The following MBNL1 variants were observed in gnomAD, a reference collection of about 807,000 sequenced individuals.
MBNL1 encodes the protein muscleblind-like protein 1.
MBNL1 carries 8 observed loss-of-function variants against 42.2 expected under a neutral mutation model. The ratio of observed to expected loss-of-function variants is 0.19; its 90% CI spans 0.11 to 0.34. The LOEUF is 0.34. Among genes scored for constraint, MBNL1 ranks in the 10% least tolerant of loss-of-function variants. The probability of loss-of-function intolerance (pLI) is 1.00; values close to 1 mark genes in which losing one functional copy is unlikely to be tolerated. For synonymous variants in MBNL1, 169 were observed against 173.9 expected, an observed-to-expected ratio of 0.97 and a Z score of 0.22; for missense variants, 309 against 495.3, an observed-to-expected ratio of 0.62 and a Z score of 3.57.
chr3:152,316,862 T>C (rs549086253), intron 2 of MBNL1, among the ~76,000 whole-genome samples: 17 of 152,206 alleles, frequency 1.1e-4, no homozygotes, highest in South Asian at 6.2e-4. Flanking sequence ...TCCTTCTTTT[T>C]CTTCTTTTAT....
At chr3:152,415,141 A>G in intron 3 of MBNL1, 30 bp downstream of exon 3, 2 of 1,536,250 alleles carry the variant, frequency 1.3e-6, no homozygotes, top group South Asian at 2.5e-5. Flanking sequence ...TCACTCATTA[A>G]GTTTTTGATT....
In MBNL1 at chr3:152,443,166, C is replaced by T. The variant is rs187519118; in HGVS notation, c.550-2116C>T. ...AACATGAAATTATAATAAACCAATC[C>T]TTAACCTGTAGAAACCCCCCCCCCC... On this transcript the variant is annotated intron_variant, in intron 4 of 9. Coordinates refer to ENST00000324210, the MANE Select transcript of MBNL1 (RefSeq NM_021038.5). Among the ~76,000 whole-genome samples, 153 of 122,306 alleles carry T rather than the reference C, an allele frequency of 1.3e-3. 2 individuals are homozygous for T. Among genetic ancestry groups the T allele is most frequent in the Non-Finnish European group, 1.1e-3 (70 of 61,736 alleles). 80.2% of individuals were successfully genotyped at this position (122,306 alleles called of 152,430 possible). A position where few individuals can be genotyped will look rare whatever the true frequency, so the allele number is the denominator to read the frequency against.
intron 2 of MBNL1, among the ~76,000 whole-genome samples, chr3:152,406,762 A>G (rs2098439257): frequency 6.6e-6 from 1 of 152,156 alleles, no homozygotes; most frequent in South Asian, 2.1e-4. Flanking sequence ...GTATCTGAGA[A>G]TCTTCACCAT....
chr3:152,424,462 TAGAA>T (rs1400533031), intron 3 of MBNL1, among the ~76,000 whole-genome samples: 2 of 151,706 alleles, frequency 1.3e-5, no homozygotes, highest in Non-Finnish European at 2.9e-5. Flanking sequence ...TGCACATGGA[TAGAA>T]AGAATCAATA....
chr3:152,360,339 T>C (rs1425022023), intron 2 of MBNL1, among the ~76,000 whole-genome samples: 4 of 152,178 alleles, frequency 2.6e-5, no homozygotes, highest in African/African-American at 9.7e-5. Flanking sequence ...TAATGATAGC[T>C]GAAAATCATA....
chr3:152,282,242 A>G (rs974670270), intron 1 of MBNL1, among the ~76,000 whole-genome samples: 2 of 152,174 alleles, frequency 1.3e-5, no homozygotes, highest in Non-Finnish European at 2.9e-5. Context: ...TGCAAATTTA[A>G]AGTTTTAACT....
In MBNL1 at chr3:152,393,120, G is replaced by A. The variant is rs143209483; in HGVS notation, c.175-21821G>A. Among the ~76,000 whole-genome samples the A allele has an allele frequency of 3.3e-3, 495 of 152,210 alleles. 2 individuals carry two copies. The highest frequency in any genetic ancestry group is 0.012 in the African/African-American group (479 of 41,530). On this transcript the variant is annotated intron_variant, in intron 2 of 9. Transcript: ENST00000324210. ...ATAAACATCTCTGTTCTCTCACCCA[G>A]CCCTCCCTGGCCTGTCTCCTTGACT...
intron 9 of MBNL1, among the ~76,000 whole-genome samples, chr3:152,460,070 A>G (rs980759498): frequency 1.3e-5 from 2 of 151,894 alleles, no homozygotes; most frequent in African/African-American, 2.4e-5. Context: ...CCTAGGCAAC[A>G]TGGTCAAACC....
chr3:152,450,100 CAA>C (rs752943755), intron 6 of MBNL1, among the ~76,000 whole-genome samples: 6 of 88,094 alleles, frequency 6.8e-5, no homozygotes, highest in African/African-American at 2.5e-4. Flanking sequence ...GACTCCATCT[CAA>C]AAAAAAAAAA....
chr3:152,318,550 C>T (rs181992366), intron 2 of MBNL1, among the ~76,000 whole-genome samples: 210 of 152,228 alleles, frequency 1.4e-3, no homozygotes, highest in Non-Finnish European at 2.4e-3. Flanking sequence ...TTCTAAACTG[C>T]ATTTGAATTA....
At chr3:152,334,758 T>C (rs2088382265) in intron 2 of MBNL1, among the ~76,000 whole-genome samples, 2 of 152,174 alleles carry the variant, frequency 1.3e-5, no homozygotes, top group Non-Finnish European at 2.9e-5. Context: ...GAAGGATGAA[T>C]GAAAATTTAA....
At chr3:152,314,513 T>C (rs2069332993) in intron 2 of MBNL1, among the ~76,000 whole-genome samples, 1 of 152,090 alleles carries the variant, frequency 6.6e-6, no homozygotes, top group African/African-American at 2.4e-5. Flanking sequence ...GTAGCTAGGA[T>C]TACAGGCATG....
intron 1 of MBNL1, among the ~76,000 whole-genome samples, chr3:152,291,542 T>G (rs1560019779): frequency 6.6e-6 from 1 of 152,220 alleles, no homozygotes; most frequent in African/African-American, 2.4e-5. Context: ...TACAAACTAG[T>G]CTGATATACT....
intron 2 of MBNL1, among the ~76,000 whole-genome samples, chr3:152,307,699 C>G (rs1438012579): frequency 6.6e-6 from 1 of 152,186 alleles, no homozygotes; most frequent in African/African-American, 2.4e-5. Context: ...ACAGCCTGTA[C>G]TCTTAATTGT....
At chr3:152,253,700 T>G (rs1460234554) in intron 2 of MBNL1, among the ~76,000 whole-genome samples, 1 of 152,116 alleles carries the variant, frequency 6.6e-6, no homozygotes, top group Non-Finnish European at 1.5e-5. Flanking sequence ...CATTCCTGAC[T>G]CAGGGATTTT....
At chr3:152,350,212 C>CA (rs1433541812) in intron 2 of MBNL1, among the ~76,000 whole-genome samples, 1 of 152,026 alleles carries the variant, frequency 6.6e-6, no homozygotes, top group African/African-American at 2.4e-5. Flanking sequence ...AAGAGAAAAA[C>CA]ATTCAGAAAG....
At chr3:152,429,861 A>G (rs995624872) in intron 3 of MBNL1, among the ~76,000 whole-genome samples, 1 of 152,114 alleles carries the variant, frequency 6.6e-6, no homozygotes, top group African/African-American at 2.4e-5. Flanking sequence ...GTATAAAGCT[A>G]TTGTTACTGA....
chr3:152,455,175 C>T (rs991375456), intron 6 of MBNL1, among the ~76,000 whole-genome samples: 2 of 151,998 alleles, frequency 1.3e-5, no homozygotes, highest in Non-Finnish European at 2.9e-5. Flanking sequence ...AAGTTAAAGT[C>T]AGAAATAGCA....
chr3:152,404,219 A>G (rs980074567), intron 2 of MBNL1, among the ~76,000 whole-genome samples: 1 of 152,228 alleles, frequency 6.6e-6, no homozygotes, highest in Admixed American at 6.5e-5. Flanking sequence ...AGTGTAATAT[A>G]TACTAATTTC....
Sources: allele counts gnomAD v4.1 joint callset (sites outside exome capture counted in the v4.1 genomes callset), GRCh38; gene constraint gnomAD v4.1.1; transcripts MANE v1.5; gene names NCBI Gene and HGNC (gene_info 2026-07-23, HGNC 2026-07-21).